PTPRD: variants seen among roughly 807,000 people sequenced by gnomAD.
PTPRD encodes protein tyrosine phosphatase receptor type D.
In PTPRD, 34 loss-of-function variants were observed where a neutral mutation model predicts 214.5. The ratio of observed to expected loss-of-function variants is 0.16; its 90% confidence interval spans 0.12 to 0.21. The LOEUF is 0.21. Ranked by LOEUF, PTPRD falls within the 10% of genes least tolerant of loss-of-function variation. The probability of loss-of-function intolerance (pLI) is 1.00; values close to 1 mark genes in which losing one functional copy is unlikely to be tolerated. For synonymous variants in PTPRD, 1,128 were observed against 845.7 expected, an observed-to-expected ratio of 1.33 and a Z score of -5.79; for missense variants, 2,545 against 2,398.7, an observed-to-expected ratio of 1.06 and a Z score of -1.27.
intron 5 of PTPRD, among the ~76,000 whole-genome samples, chr9:9,888,139 G>T (rs1375420794): frequency 6.6e-6 from 1 of 152,160 alleles, no homozygotes; most frequent in Admixed American, 6.6e-5. Flanking sequence ...TCTCTCACCA[G>T]TTCTTCACTT....
chr9:9,414,407 G>A (rs1192512654), intron 8 of PTPRD, among the ~76,000 whole-genome samples: 2 of 152,182 alleles, frequency 1.3e-5, no homozygotes, highest in Non-Finnish European at 2.9e-5. Flanking sequence ...GTACTGAGTA[G>A]AATGAGTAGC....
At chr9:10,344,564 G>A (rs569522543) in intron 2 of PTPRD, among the ~76,000 whole-genome samples, 1 of 152,110 alleles carries the variant, frequency 6.6e-6, no homozygotes. Context: ...CCAATTCTGT[G>A]AAGAAAGTCT....
At chr9:9,340,876 A>G (rs1023330531) in intron 9 of PTPRD, among the ~76,000 whole-genome samples, 16 of 152,282 alleles carry the variant, frequency 1.1e-4, no homozygotes, top group Admixed American at 9.2e-4. Context: ...CATTTTACCC[A>G]GCTAATCATT....
At chr9:9,444,903 T>A (rs1299704878) in intron 8 of PTPRD, among the ~76,000 whole-genome samples, 1 of 152,316 alleles carries the variant, frequency 6.6e-6, no homozygotes, top group South Asian at 2.1e-4. Flanking sequence ...TTGACCCTAC[T>A]TTCTGACCTA....
chr9:8,832,220 G>A (rs567763669), intron 11 of PTPRD, among the ~76,000 whole-genome samples: 27 of 151,976 alleles, frequency 1.8e-4, no homozygotes, highest in Admixed American at 5.3e-4. Flanking sequence ...ATGCCAAATG[G>A]TGTGCATTGA....
intron 4 of PTPRD, among the ~76,000 whole-genome samples, chr9:10,032,206 G>T (rs1226847652): frequency 5.9e-5 from 9 of 152,040 alleles, no homozygotes; most frequent in Admixed American, 6.6e-5. Flanking sequence ...AAATAACTTG[G>T]GTTAAATGGT....
intron 4 of PTPRD, among the ~76,000 whole-genome samples, chr9:10,030,310 C>T (rs2097032572): frequency 6.6e-6 from 1 of 150,788 alleles, no homozygotes; most frequent in South Asian, 2.1e-4. Context: ...TGGGTAGATA[C>T]CCTTTAATTC....
At chr9:10,255,611 G>A (rs987315671) in intron 3 of PTPRD, among the ~76,000 whole-genome samples, 1 of 146,006 alleles carries the variant, frequency 6.8e-6, no homozygotes, top group African/African-American at 2.6e-5. Context: ...TACAGAAAAT[G>A]TATACAAAAA....
At chr9:8,914,902 C>T (rs1332703635) in intron 11 of PTPRD, among the ~76,000 whole-genome samples, 1 of 152,016 alleles carries the variant, frequency 6.6e-6, no homozygotes, top group Non-Finnish European at 1.5e-5. Context: ...TTGCTTACAC[C>T]CTGGCAGACT....
chr9:8,402,984 A>G (rs902516207), intron 36 of PTPRD, among the ~76,000 whole-genome samples: 2 of 152,192 alleles, frequency 1.3e-5, no homozygotes, highest in East Asian at 1.9e-4. Context: ...TTTACAAAAT[A>G]TATCTATGCA....
At chr9:9,165,311 G>A (rs945809912) in intron 10 of PTPRD, among the ~76,000 whole-genome samples, 1 of 152,152 alleles carries the variant, frequency 6.6e-6, no homozygotes, top group Non-Finnish European at 1.5e-5. Flanking sequence ...TGAATGTCAG[G>A]ACTTCTTAAT....
At chr9:8,377,639 C>T (rs1229016490) in intron 37 of PTPRD, among the ~76,000 whole-genome samples, 1 of 151,694 alleles carries the variant, frequency 6.6e-6, no homozygotes, top group Non-Finnish European at 1.5e-5. Flanking sequence ...TTAAGAGAAC[C>T]CAACTGAAAT....
chr9:8,324,855 TAGTG>T (rs1346106608), intron 44 of PTPRD, among the ~76,000 whole-genome samples: 18 of 152,348 alleles, frequency 1.2e-4, no homozygotes, highest in Admixed American at 4.6e-4. Flanking sequence ...TGACCAGTGA[TAGTG>T]AGCATTTTTT....
intron 8 of PTPRD, among the ~76,000 whole-genome samples, chr9:9,435,694 AAT>A (rs1274309343): frequency 1.4e-4 from 22 of 152,142 alleles, no homozygotes; most frequent in African/African-American, 3.4e-4. Flanking sequence ...TTGGAGATAA[AAT>A]ATGACTATAA....
At chr9:8,859,966 G>A (rs2098068512) in intron 11 of PTPRD, 2 of 152,154 alleles carry the variant, frequency 1.3e-5, no homozygotes, top group Non-Finnish European at 2.9e-5. Flanking sequence ...GAGCTGAAAA[G>A]CTGTGCAGGG....
At chr9:10,146,988 C>T (rs994944614) in intron 3 of PTPRD, among the ~76,000 whole-genome samples, 1 of 150,192 alleles carries the variant, frequency 6.7e-6, no homozygotes, top group South Asian at 2.2e-4. Context: ...GACTTCAAGT[C>T]TGAAAATAAA....
chr9:10,042,810 C>G (rs1344689786), intron 3 of PTPRD, among the ~76,000 whole-genome samples: 1 of 151,856 alleles, frequency 6.6e-6, no homozygotes, highest in Non-Finnish European at 1.5e-5. Context: ...AAGTAATTAT[C>G]CAGAATTTTA....
chr9:9,825,404 GAA>G (rs2052439368), intron 5 of PTPRD, among the ~76,000 whole-genome samples: 1 of 103,370 alleles, frequency 9.7e-6, no homozygotes, highest in African/African-American at 4.6e-5. Context: ...GACAGAGAGA[GAA>G]AGAGAGAGAG....
chr9:10,503,000 T>C (rs1363928842), intron 2 of PTPRD, among the ~76,000 whole-genome samples: 2 of 152,006 alleles, frequency 1.3e-5, no homozygotes, highest in African/African-American at 2.4e-5. Context: ...GTTTTTGCTT[T>C]ATTTTGAAAA....
Sources: gnomAD v4.1 joint callset for allele counts (sites outside exome capture counted in the v4.1 genomes callset) on GRCh38, gnomAD v4.1.1 for gene constraint, MANE v1.5 for transcripts, NCBI Gene and HGNC (gene_info 2026-07-23, HGNC 2026-07-21) for gene names.